CCDC25: variants seen among roughly 807,000 people sequenced by gnomAD.
CCDC25 encodes coiled-coil domain containing 25.
CCDC25 carries 16 observed loss-of-function variants against 35.3 expected under a neutral mutation model. The ratio of observed to expected loss-of-function variants is 0.45; its 90% confidence interval spans 0.31 to 0.69. CCDC25 has a LOEUF of 0.69. CCDC25 is among the 30% of genes least tolerant of loss of function. The probability of loss-of-function intolerance (pLI) is 0.06; values close to 1 mark genes in which losing one functional copy is unlikely to be tolerated. For missense variants in CCDC25, 179 were observed against 250.7 expected, an observed-to-expected ratio of 0.71 and a Z score of 1.93; for synonymous variants, 79 against 80.3, an observed-to-expected ratio of 0.98 and a Z score of 0.09.
intron 1 of CCDC25, chr8:27,772,186 G>C: frequency 2.2e-6 from 1 of 456,660 alleles, no homozygotes; most frequent in Non-Finnish European, 3.9e-6. Flanking sequence ...AGAAGACTTG[G>C]GATAAGGTGT....
In CCDC25 at chr8:27,762,556, T is replaced by C. The variant is rs550136186; in HGVS notation, c.77-98A>G. On this transcript the variant is annotated intron_variant, in intron 2 of 8. Transcript: ENST00000356537. ...GAGAAATGTCAGCTCCTCCCACAAA[T>C]TTCTCTCTCCCTCAATGAAGAAGAG... 7.5e-5 allele frequency: 77 copies of C among 1,033,046 alleles called. 1 individual carries two copies. In the South Asian group the frequency reaches 1.1e-3, roughly 14 times the overall value. The allele number at this position is 1,033,046 out of a possible 1,614,324, so 64.0% of individuals were successfully genotyped here. A position where few individuals can be genotyped will look rare whatever the true frequency, so the allele number is the denominator to read the frequency against.
At chr8:27,749,194 C>CA (rs1361585193) in intron 5 of CCDC25, among the ~76,000 whole-genome samples, 1 of 152,196 alleles carries the variant, frequency 6.6e-6, no homozygotes, top group Non-Finnish European at 1.5e-5. Context: ...GAAGGAGTGC[C>CA]AGGTACCCTG....
chr8:27,768,732 G>A lies in CCDC25; in HGVS notation c.29-3481C>T, dbSNP rs535581992. Reference sequence around the variant, plus strand: ...AATATGGTTGATTAGTACTGGAACCGGTTATTTGGAAGACACTTGACTTAC... The same window carrying A: ...AATATGGTTGATTAGTACTGGAACCAGTTATTTGGAAGACACTTGACTTAC... On this transcript the variant is annotated intron_variant, in intron 1 of 8. Coordinates refer to ENST00000356537, the MANE Select transcript of CCDC25 (RefSeq NM_018246.3). Among the ~76,000 whole-genome samples the A allele has an allele frequency of 6.6e-5, 10 of 152,264 alleles. No homozygotes were observed. The East Asian group carries it at 1.4e-3, about 21-fold the overall frequency.
chr8:27,751,081 C>T (rs1376288001), intron 5 of CCDC25, among the ~76,000 whole-genome samples: 1 of 152,182 alleles, frequency 6.6e-6, no homozygotes, highest in Non-Finnish European at 1.5e-5. Flanking sequence ...AACAGTAATT[C>T]AGTGTCATGA....
rs1388315840 is a variant in CCDC25 at position 27,737,384 on chromosome 8, G to T, written c.598-1139C>A. Among the ~76,000 whole-genome samples the T allele has an allele frequency of 6.6e-6, 1 of 152,124 alleles. No individual in the cohort carries two copies. Among genetic ancestry groups the T allele is most frequent in the Non-Finnish European group, 1.5e-5 (1 of 68,018 alleles). On this transcript the variant is annotated intron_variant, in intron 8 of 8. Transcript: ENST00000356537. This position sits in a 1 kb window ranked among gnomAD's most constrained non-coding sequence, Gnocchi z 4.6. ...ATGAACAACTCAGTAAGACAGTCTG[G>T]GTTGTCATCAACGAAAGTAAGCCAT...
At chr8:27,770,421 C>T (rs1037046799) in intron 1 of CCDC25, among the ~76,000 whole-genome samples, 11 of 151,766 alleles carry the variant, frequency 7.2e-5, no homozygotes, top group Non-Finnish European at 1.5e-4. Context: ...AGCAAGACTC[C>T]GTCTCAAAAA....
chr8:27,751,948 A>T (rs1803825564), intron 5 of CCDC25, among the ~76,000 whole-genome samples: 1 of 152,156 alleles, frequency 6.6e-6, no homozygotes. Context: ...TTTGGGAATC[A>T]CCCCAGACAA....
chr8:27,740,685 A>G (rs1301805404), intron 7 of CCDC25, among the ~76,000 whole-genome samples, 168 bp from the exon 8 acceptor site: 1 of 152,258 alleles, frequency 6.6e-6, no homozygotes, highest in Non-Finnish European at 1.5e-5. Flanking sequence ...TCAAAGGATG[A>G]ATATTTATAA....
At chr8:27,771,369 G>A (rs10093956) in intron 1 of CCDC25, among the ~76,000 whole-genome samples, 84,872 of 151,970 alleles carry the variant, frequency 0.56, 24,255 homozygotes, top group East Asian at 0.95. Context: ...TGTCATTAAG[G>A]GACGCATGGC....
Position 27,734,284 on chromosome 8 carries a change from C to T in CCDC25, c.*1932G>A, listed in dbSNP as rs565821088. 3.3e-5 allele frequency: 5 copies of T among 152,284 alleles called. No individual in the cohort carries two copies. In the East Asian group the frequency reaches 5.8e-4, roughly 18 times the overall value. 9.4% of individuals were successfully genotyped at this position (152,284 alleles called of 1,614,324 possible). On this transcript the variant is annotated 3_prime_UTR_variant, in exon 9 of 9. Transcript: ENST00000356537. ...AGTGAAGTAAATTAAACATGCCCCTCGCCTGCATGCTGATCAGAGTGTTGA... is the reference window on the plus strand; with the variant it reads ...AGTGAAGTAAATTAAACATGCCCCTTGCCTGCATGCTGATCAGAGTGTTGA...
intron 4 of CCDC25, chr8:27,754,576 A>AGCCTCC (rs1316262764): frequency 6.6e-6 from 1 of 152,274 alleles, no homozygotes. Context: ...CTGAAGCCTC[A>AGCCTCC]GCCTCCGCCT....
At chr8:27,745,612 A>C (rs1803576727) in intron 7 of CCDC25, among the ~76,000 whole-genome samples, 1 of 152,258 alleles carries the variant, frequency 6.6e-6, no homozygotes, top group African/African-American at 2.4e-5. Flanking sequence ...GTATAAAAAC[A>C]CATTACAAAA....
intron 2 of CCDC25, chr8:27,764,426 G>T (rs1804331168): frequency 5.6e-6 from 2 of 360,174 alleles, no homozygotes; most frequent in Admixed American, 6.5e-5. Context: ...GTGTCACTAT[G>T]CCCAGCTAAT....
chr8:27,748,145 G>A lies in CCDC25; in HGVS notation c.483C>T (p.Ala161=). ...RDREERNEKK[A]QIQEMKKREK... ...CTCTCTTTTTCATTTCCTGAATTTG[G>A]GCTTTTTTCTCATTCCTCTCTTCAC... The change falls in exon 7 of 9, where the codon GCC becomes GCT. Residue 161 remains alanine, a synonymous_variant. Coordinates refer to ENST00000356537, the MANE Select transcript of CCDC25 (RefSeq NM_018246.3). 1.2e-6 allele frequency: 2 copies of A among 1,613,170 alleles called. No homozygotes were observed. The highest frequency in any genetic ancestry group is 1.7e-6 in the Non-Finnish European group (2 of 1,179,782).
At chr8:27,760,644 G>T (rs1804194941) in intron 3 of CCDC25, among the ~76,000 whole-genome samples, 1 of 152,142 alleles carries the variant, frequency 6.6e-6, no homozygotes, top group Non-Finnish European at 1.5e-5. Flanking sequence ...GGTGATCATT[G>T]TCCTCATACA....
chr8:27,759,369 G>A (rs1179931773), intron 3 of CCDC25, among the ~76,000 whole-genome samples: 1 of 152,164 alleles, frequency 6.6e-6, no homozygotes, highest in Non-Finnish European at 1.5e-5. Context: ...CACTTTGGGA[G>A]GCCGAGGTGG....
intron 5 of CCDC25, among the ~76,000 whole-genome samples, 195 bp from the exon 6 acceptor site, chr8:27,748,793 G>A (rs150602989): frequency 1.7e-4 from 26 of 152,230 alleles, no homozygotes; most frequent in African/African-American, 5.3e-4. Context: ...AAATTCAAAC[G>A]GAAGTATTAC....
chr8:27,735,495 A>G lies in CCDC25; in HGVS notation c.*721T>C, dbSNP rs184053150. Reference sequence around the variant, plus strand: ...ATGCTGAGAAATTACTCCTGGGCCCAGAAGTTGTCACATAGGTGGCTTGGG... The same window carrying G: ...ATGCTGAGAAATTACTCCTGGGCCCGGAAGTTGTCACATAGGTGGCTTGGG... On this transcript the variant is annotated 3_prime_UTR_variant, in exon 9 of 9. Transcript: ENST00000356537. 1.3e-5 allele frequency: 2 copies of G among 152,370 alleles called. No homozygotes were observed. The highest frequency in any genetic ancestry group is 2.9e-5 in the Non-Finnish European group (2 of 68,064). The allele number at this position is 152,370 out of a possible 1,614,324, so 9.4% of individuals were successfully genotyped here.
At chr8:27,759,779 C>CAAAAAAAAAAAAAAAAAAAAAAAAAA (rs77051762) in intron 3 of CCDC25, among the ~76,000 whole-genome samples, 3 of 91,276 alleles carry the variant, frequency 3.3e-5, no homozygotes, top group African/African-American at 9.6e-5. Flanking sequence ...GACTCTGTCT[C>CAAAAAAAAAAAAAAAAAAAAAAAAAA]AAAAAAAAAA....
Sources: gnomAD v4.1 joint callset for allele counts (sites outside exome capture counted in the v4.1 genomes callset) on GRCh38, gnomAD v4.1.1 for gene constraint, Gnocchi (gnomAD v3.1) non-coding constraint, MANE v1.5 for transcripts, NCBI Gene and HGNC (gene_info 2026-07-23, HGNC 2026-07-21) for gene names.